The following ELL2 variants were observed in gnomAD, a reference collection of about 807,000 sequenced individuals.
The protein encoded by ELL2 is elongation factor for RNA polymerase II 2, also known as RNA polymerase II elongation factor ELL2.
In ELL2, 21 loss-of-function variants were observed where a neutral mutation model predicts 72.8. That is an observed-to-expected ratio of 0.29 (90% CI 0.20 to 0.42). The LOEUF (loss-of-function observed/expected upper bound fraction) is 0.42. Ranked by LOEUF, ELL2 falls within the 10% of genes least tolerant of loss-of-function variation. The pLI is 1.00. For synonymous variants in ELL2, 266 were observed against 283.2 expected (o/e 0.94, Z 0.61); for missense variants, 568 against 772.8 (o/e 0.73, Z 3.14).
chr5:95,904,475 G>A (rs2112286297), intron 5 of ELL2, among the ~76,000 whole-genome samples: 1 of 152,246 alleles, frequency 6.6e-6, no homozygotes, highest in Non-Finnish European at 1.5e-5. Flanking sequence ...ATTTCCTGGT[G>A]GATGTTAAGC....
chr5:95,951,229 C>T lies in ELL2; in HGVS notation c.148-8180G>A, dbSNP rs750170709. 1.1e-4 allele frequency among the ~76,000 whole-genome samples: 17 copies of T among 151,742 alleles called. 1 individual carries two copies. The highest frequency in any genetic ancestry group is 3.4e-3 in the Middle Eastern group (1 of 292). ...CTAAAAATACAAAAAATTAGCCAGG[C>T]GTGGTGGTGGGCGCCTGTAGCCCCA... On this transcript the variant is annotated intron_variant, in intron 1 of 11. Coordinates refer to ENST00000237853, the MANE Select transcript of ELL2 (RefSeq NM_012081.6).
chr5:95,938,531 C>T (rs1345778059), intron 2 of ELL2, among the ~76,000 whole-genome samples: 1 of 152,088 alleles, frequency 6.6e-6, no homozygotes, highest in Admixed American at 6.6e-5. Context: ...TGAGGCCAGC[C>T]TGGGCAACAC....
chr5:95,906,492 G>A, intron 5 of ELL2, 31 bp downstream of exon 5: 1 of 1,548,298 alleles, frequency 6.5e-7, no homozygotes, highest in Non-Finnish European at 8.7e-7. Context: ...AAGAAGGTAA[G>A]CAGGAAGGAC....
At chr5:95,901,996 G>A (rs903939182) in intron 5 of ELL2, among the ~76,000 whole-genome samples, 1 of 152,188 alleles carries the variant, frequency 6.6e-6, no homozygotes, top group Non-Finnish European at 1.5e-5. Flanking sequence ...TTTGGATCAT[G>A]GTTGACCATA....
At chr5:95,908,594 C>T (rs1185953212) in intron 4 of ELL2, among the ~76,000 whole-genome samples, 1 of 152,162 alleles carries the variant, frequency 6.6e-6, no homozygotes, top group Non-Finnish European at 1.5e-5. Flanking sequence ...GGAATCAACA[C>T]AGTCCATACT....
chr5:95,900,937 C>A lies in ELL2; in HGVS notation c.866+19G>T. The A allele has an allele frequency of 6.3e-7, 1 of 1,575,972 alleles. No homozygotes were observed. The highest frequency in any genetic ancestry group is 8.5e-7 in the Non-Finnish European group (1 of 1,169,692). ...TTTTAAAGAAACATTTTTTTAAAAG[C>A]AAGAAAAAAAGAATTCACCTAGAGA... On this transcript the variant is annotated intron_variant, in intron 6 of 11. Coordinates refer to ENST00000237853, the MANE Select transcript of ELL2 (RefSeq NM_012081.6).
At chr5:95,946,855 A>G (rs1287019241) in intron 1 of ELL2, among the ~76,000 whole-genome samples, 2 of 152,250 alleles carry the variant, frequency 1.3e-5, no homozygotes, top group African/African-American at 4.8e-5. Context: ...ACCAGAAGTC[A>G]AACACTCAAT....
intron 2 of ELL2, among the ~76,000 whole-genome samples, chr5:95,936,166 A>G (rs1364020843): frequency 6.6e-6 from 1 of 152,234 alleles, no homozygotes; most frequent in African/African-American, 2.4e-5. Context: ...GTGTAAAGCT[A>G]TGTGATGTAA....
chr5:95,951,792 TGAG>T (rs1751416361), intron 1 of ELL2, among the ~76,000 whole-genome samples: 1 of 152,162 alleles, frequency 6.6e-6, no homozygotes, highest in African/African-American at 2.4e-5. Flanking sequence ...GCAGTGATCC[TGAG>T]GAGAGATGAT....
At chr5:95,927,762 CAT>C (rs1291915800) in intron 2 of ELL2, among the ~76,000 whole-genome samples, 1 of 86,092 alleles carries the variant, frequency 1.2e-5, no homozygotes, top group Non-Finnish European at 2.1e-5. Flanking sequence ...TGTATATAGA[CAT>C]ACACACACAC....
intron 2 of ELL2, among the ~76,000 whole-genome samples, chr5:95,942,546 T>C (rs1402357082): frequency 6.6e-6 from 1 of 152,170 alleles, no homozygotes; most frequent in African/African-American, 2.4e-5. Context: ...TCTGTATATA[T>C]GAAAAACTCA....
intron 2 of ELL2, among the ~76,000 whole-genome samples, chr5:95,935,261 A>G (rs553289826): frequency 6.3e-4 from 96 of 152,348 alleles, no homozygotes; most frequent in Non-Finnish European, 1.1e-3. Context: ...GCTTAGAGTT[A>G]TAAGTTACTG....
intron 2 of ELL2, among the ~76,000 whole-genome samples, chr5:95,930,851 C>T (rs1371093530): frequency 1.3e-5 from 2 of 151,876 alleles, no homozygotes; most frequent in Non-Finnish European, 2.9e-5. Flanking sequence ...AAATTGTAGT[C>T]AAATCTTAAA....
At chr5:95,895,127 C>G (rs901641742) in intron 9 of ELL2, among the ~76,000 whole-genome samples, 1 of 152,196 alleles carries the variant, frequency 6.6e-6, no homozygotes, top group Non-Finnish European at 1.5e-5. Flanking sequence ...ACATTATAAC[C>G]ATTACTAAAT....
At chr5:95,959,471 T>C (rs2067718284) in intron 1 of ELL2, among the ~76,000 whole-genome samples, 1 of 152,164 alleles carries the variant, frequency 6.6e-6, no homozygotes, top group African/African-American at 2.4e-5. Context: ...GGCAAGCTTA[T>C]CTTTCCATCT....
At chr5:95,930,096 CT>C (rs1485082434) in intron 2 of ELL2, among the ~76,000 whole-genome samples, 1 of 152,138 alleles carries the variant, frequency 6.6e-6, no homozygotes, top group Non-Finnish European at 1.5e-5. Context: ...CTAAATAATT[CT>C]AAGTTTAGTA....
chr5:95,934,222 T>C (rs1446215956), intron 2 of ELL2, among the ~76,000 whole-genome samples: 1 of 152,194 alleles, frequency 6.6e-6, no homozygotes, highest in Non-Finnish European at 1.5e-5. Flanking sequence ...AAATAAGATA[T>C]CCATAACATA....
At chr5:95,936,768 A>C (rs921406956) in intron 2 of ELL2, among the ~76,000 whole-genome samples, 1 of 152,222 alleles carries the variant, frequency 6.6e-6, no homozygotes, top group Non-Finnish European at 1.5e-5. Context: ...CAAAGTATCA[A>C]AGAATTGGTA....
rs1165671320 is a variant in ELL2, at chr5:95,933,585, T to C, written c.195+9417A>G. ...GCAAGAAGAAAAGACTAGAAAGAAA[T>C]TGAATAAAACTGTTTTTCACTATTA... is the stretch of plus-strand genomic sequence containing the variant. On this transcript the variant is annotated intron_variant, in intron 2 of 11. Transcript: ENST00000237853. Among the ~76,000 whole-genome samples, 5 of 151,748 alleles carry C rather than the reference T, an allele frequency of 3.3e-5. No individual in the cohort carries two copies. In the East Asian group the frequency reaches 5.8e-4, roughly 18 times the overall value.
Sources: allele counts gnomAD v4.1 joint callset (sites outside exome capture counted in the v4.1 genomes callset), GRCh38; gene constraint gnomAD v4.1.1; transcripts MANE v1.5; gene names NCBI Gene and HGNC (gene_info 2026-07-23, HGNC 2026-07-21).